The following SEMA4G variants were observed in gnomAD, a reference collection of about 807,000 sequenced individuals.
SEMA4G encodes the protein semaphorin-4G.
SEMA4G carries 59 observed loss-of-function variants against 81.2 expected under a neutral mutation model. The ratio of observed to expected loss-of-function variants is 0.73; its 90% confidence interval spans 0.59 to 0.90. The LOEUF is 0.90. SEMA4G is among the 40% of genes least tolerant of loss of function. SEMA4G has a pLI of 0.00. For missense variants in SEMA4G, 952 were observed against 1,102.3 expected, an observed-to-expected ratio of 0.86 and a Z score of 1.93; for synonymous variants, 404 against 433.9, an observed-to-expected ratio of 0.93 and a Z score of 0.86.
upstream of SEMA4G, among the ~76,000 whole-genome samples, chr10:100,971,248 TAGCC>T (rs1467959345): frequency 2.6e-5 from 4 of 152,194 alleles, no homozygotes; most frequent in Non-Finnish European, 4.4e-5. Context: ...ATGTTCCTCC[TAGCC>T]ATAGTGCTCC....
chr10:100,979,812 T>A (rs1236954100), intron 8 of SEMA4G, 36 bp from the exon 10 acceptor site: 1 of 1,609,098 alleles, frequency 6.2e-7, no homozygotes. Flanking sequence ...CTTGACTCCA[T>A]GTAACTCACC....
exon 14 of SEMA4G, chr10:100,983,477 T>G (rs1851230778): frequency 1.9e-6 from 3 of 1,614,204 alleles, no homozygotes; most frequent in East Asian, 4.5e-5. Flanking sequence ...TGGTTACAGA[T>G]GCACAGCCTG....
upstream of SEMA4G, among the ~76,000 whole-genome samples, chr10:100,971,353 G>A (rs1036027900): frequency 1.3e-5 from 2 of 152,198 alleles, no homozygotes; most frequent in Non-Finnish European, 2.9e-5. Flanking sequence ...TGGCCGGCTT[G>A]CCTGAAGCTT....
intron 5 of SEMA4G, 48 bp downstream of exon 6, chr10:100,978,436 G>A: frequency 3.7e-6 from 6 of 1,600,776 alleles, no homozygotes; most frequent in Non-Finnish European, 5.1e-6. Flanking sequence ...TTTAGGATGT[G>A]GATCTCATCT....
exon 1 of SEMA4G, chr10:100,972,606 A>C: frequency 3.1e-6 from 1 of 322,802 alleles, no homozygotes; most frequent in Non-Finnish European, 5.7e-6. Flanking sequence ...CAACCCCTCT[A>C]GAACTTCACA....
At chr10:100,981,591 A>G in intron 13 of SEMA4G, 1 of 1,606,032 alleles carries the variant, frequency 6.2e-7, no homozygotes, top group South Asian at 1.1e-5. Context: ...TGTATTAAGT[A>G]TTTACTGTGT....
At chr10:100,981,772 A>G (rs1851088721) in intron 13 of SEMA4G, among the ~76,000 whole-genome samples, 1 of 152,170 alleles carries the variant, frequency 6.6e-6, no homozygotes, top group Non-Finnish European at 1.5e-5. Context: ...CAGAATTCAA[A>G]CCTGGCTGAG....
At chr10:100,977,874 G>T (rs1471001412) in intron 4 of SEMA4G, 144 bp downstream of exon 5, 3 of 684,548 alleles carry the variant, frequency 4.4e-6, no homozygotes, top group Admixed American at 2.3e-5. Context: ...CTCCAGTGGC[G>T]GCGGGCTGCA....
At chr10:100,981,410 T>C in intron 13 of SEMA4G, 181 bp downstream of exon 14, 1 of 1,613,624 alleles carries the variant, frequency 6.2e-7, no homozygotes, top group Non-Finnish European at 8.5e-7. Flanking sequence ...CCCAAATGAA[T>C]TATAAACTAG....
chr10:100,980,871 C>T, exon 12 of SEMA4G: 1 of 1,609,230 alleles, frequency 6.2e-7, no homozygotes. Flanking sequence ...CTACCACTCT[C>T]CAGCTGCTCC....
chr10:100,980,046 C>G, intron 9 of SEMA4G, 54 bp downstream of exon 10: 1 of 1,613,668 alleles, frequency 6.2e-7, no homozygotes, highest in Non-Finnish European at 8.5e-7. Flanking sequence ...AGGGAAGGGT[C>G]AAAGGGTCTG....
exon 14 of SEMA4G, chr10:100,983,755 T>A: frequency 2.5e-6 from 4 of 1,612,230 alleles, no homozygotes; most frequent in South Asian, 1.1e-5. Context: ...AAATACTCAC[T>A]GGGTCGGGCC....
In SEMA4G at chr10:100,980,807, C is replaced by A. The variant is rs1298475214; in HGVS notation, c.1468-15C>A. ...GTGGGGACGCTGCCGACCAACTGTC[C>A]TATCTGGCTCCCAGCACAGCCTCTA... is the stretch of plus-strand genomic sequence containing the variant. On this transcript the variant is annotated splice_polypyrimidine_tract_variant and intron_variant, in intron 11 of 13. Transcript: ENST00000370250. The A allele has an allele frequency of 3.8e-6, 6 of 1,559,952 alleles. No homozygotes were observed. In the East Asian group the frequency reaches 1.1e-4, roughly 29 times the overall value.
Position 100,973,682 on chromosome 10 carries a change from G to A in SEMA4G, c.336+73G>A. On this transcript the variant is annotated intron_variant, in intron 3 of 13. Coordinates refer to ENST00000370250, the Ensembl canonical transcript of SEMA4G. This position sits in a 1 kb window ranked among gnomAD's most constrained non-coding sequence, Gnocchi z 5.5. Reference sequence around the variant, plus strand: ...AATCAGGGATGCCAGGATTGTTGGGGACACAGATGGGTAGGTACAGACCTG... The same window carrying A: ...AATCAGGGATGCCAGGATTGTTGGGAACACAGATGGGTAGGTACAGACCTG... 2 of 1,387,036 alleles carry A rather than the reference G, an allele frequency of 1.4e-6. No individual in the cohort carries two copies. Among genetic ancestry groups the A allele is most frequent in the Non-Finnish European group, 2.0e-6 (2 of 987,922 alleles). 85.9% of individuals were successfully genotyped at this position (1,387,036 alleles called of 1,614,324 possible). A position where few individuals can be genotyped will look rare whatever the true frequency, so the allele number is the denominator to read the frequency against.
chr10:100,974,193 G>A (rs1021120899), intron 3 of SEMA4G, among the ~76,000 whole-genome samples: 5 of 151,954 alleles, frequency 3.3e-5, no homozygotes, highest in African/African-American at 4.8e-5. Flanking sequence ...GGCTGAACGC[G>A]GTGGCTCACA....
exon 14 of SEMA4G, chr10:100,983,846 G>A (rs755038247): frequency 6.3e-6 from 10 of 1,591,010 alleles, no homozygotes; most frequent in African/African-American, 1.3e-5. Context: ...GTGATGATGA[G>A]GGGGCTGGGG....
At chr10:100,972,914 T>G in exon 1 of SEMA4G, 1 of 1,605,618 alleles carries the variant, frequency 6.2e-7, no homozygotes, top group Non-Finnish European at 8.5e-7. Flanking sequence ...CCCAGGAAGA[T>G]GTGGGGGAGG....
intron 10 of SEMA4G, 26 bp downstream of exon 11, chr10:100,980,370 C>G: frequency 6.3e-7 from 1 of 1,591,518 alleles, no homozygotes; most frequent in Non-Finnish European, 8.6e-7. Context: ...ATCCCTGATC[C>G]CTGTTGGCCC....
intron 13 of SEMA4G, 126 bp from the exon 15 acceptor site, chr10:100,983,179 T>A: frequency 1.7e-6 from 2 of 1,159,754 alleles, no homozygotes; most frequent in African/African-American, 3.1e-5. Context: ...AGAGCCTGGG[T>A]CAGCTGTCAC....
Sources: allele counts gnomAD v4.1 joint callset (sites outside exome capture counted in the v4.1 genomes callset), GRCh38; gene constraint gnomAD v4.1.1; non-coding constraint Gnocchi (gnomAD v3.1); transcripts MANE v1.5; gene names NCBI Gene and HGNC (gene_info 2026-07-23, HGNC 2026-07-21).